Variants in DNAH3 observed in about 807,000 individuals in gnomAD.
The protein encoded by DNAH3 is dynein axonemal heavy chain 3, also known as axonemal beta dynein heavy chain 3.
In DNAH3, 332 loss-of-function variants were observed where a neutral mutation model predicts 432.5. The ratio of observed to expected loss-of-function variants is 0.77; its 90% CI spans 0.70 to 0.84. DNAH3 has a LOEUF of 0.84. Among genes scored for constraint, DNAH3 ranks in the 40% least tolerant of loss-of-function variants. The pLI, the probability that DNAH3 is intolerant of heterozygous loss-of-function variation, is 0.00. For missense variants in DNAH3, 4,861 were observed against 5,114.0 expected, an observed-to-expected ratio of 0.95 and a Z score of 1.51; for synonymous variants, 1,956 against 1,900.2, an observed-to-expected ratio of 1.03 and a Z score of -0.76.
intron 37 of DNAH3, among the ~76,000 whole-genome samples, 171 bp from the exon 38 acceptor site, chr16:21,027,298 AC>A (rs921787561): frequency 1.3e-5 from 2 of 152,224 alleles, no homozygotes; most frequent in Non-Finnish European, 2.9e-5. Flanking sequence ...ATAAAATAAA[AC>A]ACAAAATTTC....
intron 16 of DNAH3, among the ~76,000 whole-genome samples, chr16:21,101,731 T>C (rs74782664): frequency 0.018 from 2,754 of 152,188 alleles, 87 homozygotes; most frequent in African/African-American, 0.062. Context: ...GGAGGAGGCA[T>C]TGACATCAGA....
intron 1 of DNAH3, among the ~76,000 whole-genome samples, chr16:21,148,442 A>T (rs7192091): frequency 0.029 from 4,162 of 144,676 alleles, 138 homozygotes; most frequent in African/African-American, 0.082. Context: ...ATTATTATTT[A>T]TTTTTTTTTT....
chr16:21,115,455 C>T (rs2092168458), intron 12 of DNAH3, among the ~76,000 whole-genome samples: 1 of 151,340 alleles, frequency 6.6e-6, no homozygotes, highest in Admixed American at 6.6e-5. Flanking sequence ...ACCTGTAATC[C>T]CAGCACTTTG....
chr16:21,026,902 A>AAAT, intron 38 of DNAH3, 125 bp downstream of exon 38: 1 of 648,414 alleles, frequency 1.5e-6, no homozygotes, highest in Non-Finnish European at 2.6e-6. Flanking sequence ...TTGGAAAGAA[A>AAAT]AATAATAATA....
intron 20 of DNAH3, 97 bp from the exon 21 acceptor site, chr16:21,075,658 A>G: frequency 1.1e-6 from 1 of 932,286 alleles, no homozygotes. Flanking sequence ...CATGCCTGTA[A>G]TCCCAGCACT....
chr16:20,964,291 G>C (rs950355184), exon 53 of DNAH3: 3 of 1,614,024 alleles, frequency 1.9e-6, no homozygotes, highest in Non-Finnish European at 2.5e-6. Flanking sequence ...GAGACCCAAG[G>C]GGGTGATCAT....
rs771791969 is a variant in DNAH3, at chr16:21,040,358, A to ATCTTTT, written c.4639-416_4639-415insAAAAGA. Among the ~76,000 whole-genome samples the ATCTTTT allele has an allele frequency of 2.3e-3, 186 of 79,746 alleles. 32 individuals carry two copies. Among genetic ancestry groups the ATCTTTT allele is most frequent in the African/African-American group, 9.0e-3 (160 of 17,762 alleles). The allele number at this position is 79,746 out of a possible 152,430, so 52.3% of individuals were successfully genotyped here. A position where few individuals can be genotyped will look rare whatever the true frequency, so the allele number is the denominator to read the frequency against. On this transcript the variant is annotated intron_variant, in intron 32 of 61. Coordinates refer to ENST00000261383, the Ensembl canonical transcript of DNAH3. ...TCAGAAGAATCCCAAAGCCAGACAG[A>ATCTTTT]TTTTTTTTTTTTTTTTTTTTTTTTT...
intron 31 of DNAH3, among the ~76,000 whole-genome samples, chr16:21,049,151 CA>C (rs2089848447): frequency 6.6e-6 from 1 of 151,724 alleles, no homozygotes; most frequent in Non-Finnish European, 1.5e-5. Context: ...TTTGTAGAGA[CA>C]GGGTCTCAAC....
intron 51 of DNAH3, among the ~76,000 whole-genome samples, chr16:20,974,972 C>G (rs1429336038): frequency 6.7e-6 from 1 of 148,852 alleles, no homozygotes; most frequent in African/African-American, 2.5e-5. Context: ...ATGCACGCCA[C>G]CACACCTGGC....
At chr16:21,067,579 C>G (rs1168473643) in intron 23 of DNAH3, among the ~76,000 whole-genome samples, 160 bp from the exon 24 acceptor site, 1 of 152,068 alleles carries the variant, frequency 6.6e-6, no homozygotes, top group Middle Eastern at 3.2e-3. Flanking sequence ...GCTTATGGAA[C>G]ATGACCTTGT....
At chr16:20,954,663 G>T in intron 55 of DNAH3, 150 bp downstream of exon 55, 2 of 837,078 alleles carry the variant, frequency 2.4e-6, no homozygotes, top group Non-Finnish European at 1.8e-6. Context: ...TTTAGTATAA[G>T]TATGTTCCAA....
intron 41 of DNAH3, among the ~76,000 whole-genome samples, chr16:21,016,623 T>C (rs1306881692): frequency 6.6e-6 from 1 of 152,076 alleles, no homozygotes; most frequent in African/African-American, 2.4e-5. Flanking sequence ...AAATTAAACA[T>C]AGCATTAACA....
rs2086947446 is a variant in DNAH3, at chr16:21,000,141, T to C, written c.6421+83A>G. On this transcript the variant is annotated intron_variant, in intron 43 of 61. Coordinates refer to ENST00000261383, the Ensembl canonical transcript of DNAH3. ...CCAGGGAGAGTAAAGGTATGTACAG[T>C]GGCACCACAAGCAGAAGCTATAGTT... 2.8e-6 allele frequency: 4 copies of C among 1,433,224 alleles called. No individual in the cohort carries two copies. The Admixed American group carries it at 7.4e-5, about 26-fold the overall frequency. The allele number at this position is 1,433,224 out of a possible 1,614,324, so 88.8% of individuals were successfully genotyped here.
exon 21 of DNAH3, chr16:21,075,457 T>C (rs2090940811): frequency 6.2e-7 from 1 of 1,612,916 alleles, no homozygotes; most frequent in South Asian, 1.1e-5. Flanking sequence ...AGTGTCCCTG[T>C]ATTTCACGAA....
intron 41 of DNAH3, among the ~76,000 whole-genome samples, chr16:21,017,107 T>A (rs983971837): frequency 9.2e-5 from 14 of 152,182 alleles, no homozygotes; most frequent in Non-Finnish European, 1.6e-4. Context: ...ACAATGTGAA[T>A]GTACTTAACA....
Position 20,963,705 on chromosome 16 carries a change from C to A in DNAH3, c.10179G>T (p.Trp3393Cys), listed in dbSNP as rs2084924038. Residue 3393 changes from tryptophan (W) to cysteine (C), a missense_variant, in exon 53 of 62, where the codon TGG becomes TGT. Transcript: ENST00000261383. ...CGATGCCTCCAGTGAGAAGGAAGTA[C>A]CACACCTCCTCCGTAATTTCCTTCT... is the stretch of plus-strand genomic sequence containing the variant. 4 of 1,613,854 alleles carry A rather than the reference C, an allele frequency of 2.5e-6. No homozygotes were observed. The African/African-American group carries it at 4.0e-5, about 16-fold the overall frequency.
At chr16:21,041,714 G>C (rs941372636) in intron 32 of DNAH3, among the ~76,000 whole-genome samples, 1 of 152,064 alleles carries the variant, frequency 6.6e-6, no homozygotes, top group Non-Finnish European at 1.5e-5. Context: ...TTATCTCCTA[G>C]GCTGAGTGCA....
chr16:21,098,367 A>T (rs1053937564), intron 17 of DNAH3, among the ~76,000 whole-genome samples: 1 of 144,188 alleles, frequency 6.9e-6, no homozygotes, highest in Non-Finnish European at 1.5e-5. Flanking sequence ...TGAACCCAGG[A>T]GGTGGAGGTT....
intron 18 of DNAH3, among the ~76,000 whole-genome samples, chr16:21,089,697 A>G (rs1357012023): frequency 6.6e-6 from 1 of 152,156 alleles, no homozygotes; most frequent in South Asian, 2.1e-4. Context: ...TAAAGGATAA[A>G]TTTGTAGCAT....
Sources: allele counts gnomAD v4.1 joint callset (sites outside exome capture counted in the v4.1 genomes callset), GRCh38; gene constraint gnomAD v4.1.1; transcripts MANE v1.5; gene names NCBI Gene and HGNC (gene_info 2026-07-23, HGNC 2026-07-21).